The following NEO1 variants were observed in gnomAD, a reference collection of about 807,000 sequenced individuals.
The protein encoded by NEO1 is neogenin.
Under a neutral mutation model 159.7 loss-of-function variants are expected in NEO1, and 63 were observed. The observed-to-expected ratio is 0.39, with a 90% CI of 0.32 to 0.49. NEO1 has a LOEUF of 0.49. Among genes scored for constraint, NEO1 ranks in the 20% least tolerant of loss-of-function variants. The pLI, the probability that NEO1 is intolerant of heterozygous loss-of-function variation, is 0.85. For synonymous variants in NEO1, 633 were observed against 662.0 expected, an observed-to-expected ratio of 0.96 and a Z score of 0.67; for missense variants, 1,615 against 1,831.0, an observed-to-expected ratio of 0.88 and a Z score of 2.15.
chr15:73,054,283 C>T (rs558617678), intron 1 of NEO1, among the ~76,000 whole-genome samples: 4 of 151,932 alleles, frequency 2.6e-5, no homozygotes, highest in Admixed American at 1.3e-4. Flanking sequence ...AAAGTTTTGC[C>T]GATAATTTTG....
intron 1 of NEO1, among the ~76,000 whole-genome samples, chr15:73,110,668 C>T (rs969699132): frequency 2.0e-5 from 3 of 151,976 alleles, no homozygotes; most frequent in Admixed American, 6.6e-5. Flanking sequence ...AGAGCTATTC[C>T]ATTAAGACGT....
chr15:73,288,382 T>G lies in NEO1; in HGVS notation c.3480T>G (p.Pro1160=). 1 of 1,614,118 alleles carries G rather than the reference T, an allele frequency of 6.2e-7. No homozygotes were observed. The highest frequency in any genetic ancestry group is 8.5e-7 in the Non-Finnish European group (1 of 1,180,012). The change falls in exon 24 of 29, where the codon CCT becomes CCG. Residue 1160 remains proline (P), a synonymous_variant. Transcript: ENST00000261908. The part of the protein sequence containing the change: ...KYKGNSKDVK[P]PDLWIHHERL... ...AAGGGAATTCCAAAGATGTGAAACCTCCAGATCTCTGGATCCATCATGAGA... is the reference window on the plus strand; with the variant it reads ...AAGGGAATTCCAAAGATGTGAAACCGCCAGATCTCTGGATCCATCATGAGA...
chr15:73,245,710 G>A (rs533920355), intron 9 of NEO1, among the ~76,000 whole-genome samples: 1 of 151,804 alleles, frequency 6.6e-6, no homozygotes, highest in East Asian at 1.9e-4. Flanking sequence ...GAGTAGCTGG[G>A]ACTACAGGTG....
In NEO1 at chr15:73,062,161, TC is replaced by T. The variant is rs2068010436; in HGVS notation, c.130+9358del. 3.3e-5 allele frequency among the ~76,000 whole-genome samples: 5 copies of T among 152,316 alleles called. No homozygotes were observed. In the South Asian group the frequency reaches 1.0e-3, roughly 32 times the overall value. The stretch of plus-strand genomic sequence containing the variant: ...AAATGAGAGTGTCTGTTTCCACACT[TC>T]CTTGCCAACATATTGGTTATTTTCA... On this transcript the variant is annotated intron_variant, in intron 1 of 28. Transcript: ENST00000261908.
intron 27 of NEO1, among the ~76,000 whole-genome samples, chr15:73,299,604 C>G (rs943407203): frequency 1.3e-5 from 2 of 152,176 alleles, no homozygotes; most frequent in African/African-American, 2.4e-5. Context: ...CCAGGATGGT[C>G]TTGATCTCCT....
chr15:73,293,543 C>G lies in NEO1; in HGVS notation c.3896C>G (p.Ser1299Cys). The G allele has an allele frequency of 6.2e-7, 1 of 1,613,958 alleles. No homozygotes were observed. The highest frequency in any genetic ancestry group is 1.1e-5 in the South Asian group (1 of 91,062). ...TSMSLSDRANSTESVRNTPST... is the reference protein window; with the variant it reads ...TSMSLSDRANCTESVRNTPST... Reference sequence around the variant, plus strand: ...ATGTCCCTTTCAGACAGGGCCAATTCCACAGGTGAGAGATGAGGATCAAGC... The same window carrying G: ...ATGTCCCTTTCAGACAGGGCCAATTGCACAGGTGAGAGATGAGGATCAAGC... The change falls in exon 26 of 29, where the codon TCC becomes TGC. Residue 1299 changes from serine to cysteine, a missense_variant. Transcript: ENST00000261908.
chr15:73,289,388 C>T, intron 25 of NEO1, 150 bp downstream of exon 25: 1 of 691,346 alleles, frequency 1.4e-6, no homozygotes. Flanking sequence ...GTACCAAACA[C>T]TTGCCATATT....
intron 23 of NEO1, among the ~76,000 whole-genome samples, chr15:73,284,830 C>T (rs1044613999): frequency 5.9e-5 from 9 of 151,820 alleles, no homozygotes; most frequent in South Asian, 2.1e-4. Flanking sequence ...TCAAATGATC[C>T]GCCCGCCTCG....
chr15:73,127,108 G>A (rs146542862), intron 4 of NEO1, among the ~76,000 whole-genome samples: 289 of 152,126 alleles, frequency 1.9e-3, no homozygotes, highest in African/African-American at 6.5e-3. Flanking sequence ...GCATGTGCCT[G>A]TAGTCCCAGC....
At chr15:73,216,100 A>T (rs2037866136) in intron 7 of NEO1, among the ~76,000 whole-genome samples, 1 of 117,748 alleles carries the variant, frequency 8.5e-6, no homozygotes. Context: ...ACCCCACAAC[A>T]GTCCCCAGAG....
chr15:73,173,085 G>A (rs1400487032), intron 5 of NEO1, among the ~76,000 whole-genome samples: 1 of 152,160 alleles, frequency 6.6e-6, no homozygotes, highest in Non-Finnish European at 1.5e-5. Context: ...ACACAAGTAA[G>A]CTTAAGTAAC....
intron 28 of NEO1, 110 bp downstream of exon 28, chr15:73,301,567 C>A: frequency 7.0e-7 from 1 of 1,425,040 alleles, no homozygotes; most frequent in Non-Finnish European, 9.6e-7. Flanking sequence ...CCACCCAGAA[C>A]TATGAAGCAG....
At chr15:73,106,871 T>C (rs1013792341) in intron 1 of NEO1, among the ~76,000 whole-genome samples, 1 of 152,230 alleles carries the variant, frequency 6.6e-6, no homozygotes, top group Non-Finnish European at 1.5e-5. Flanking sequence ...ATTATGCCTT[T>C]AGACTTCGTC....
At chr15:73,206,863 G>C (rs886532199) in intron 7 of NEO1, among the ~76,000 whole-genome samples, 2 of 151,416 alleles carry the variant, frequency 1.3e-5, no homozygotes, top group African/African-American at 4.9e-5. Flanking sequence ...GTGTGTGTGT[G>C]TGTTTAGAGA....
intron 1 of NEO1, among the ~76,000 whole-genome samples, chr15:73,115,575 T>C (rs1430420735): frequency 2.7e-5 from 4 of 149,566 alleles, no homozygotes; most frequent in Admixed American, 1.3e-4. Flanking sequence ...TGTGTAGATA[T>C]ATTCGAAAAA....
chr15:73,057,853 T>C (rs2067785082), intron 1 of NEO1, among the ~76,000 whole-genome samples: 1 of 152,204 alleles, frequency 6.6e-6, no homozygotes, highest in African/African-American at 2.4e-5. Context: ...CTTTAAATCA[T>C]TTTATTTTAA....
At chr15:73,134,310 G>T (rs1264296982) in intron 4 of NEO1, among the ~76,000 whole-genome samples, 1 of 152,116 alleles carries the variant, frequency 6.6e-6, no homozygotes. Context: ...CTTGATAAAG[G>T]TTAGTCATGA....
chr15:73,127,013 C>T (rs1417312525), intron 4 of NEO1, among the ~76,000 whole-genome samples: 2 of 152,098 alleles, frequency 1.3e-5, no homozygotes, highest in Non-Finnish European at 2.9e-5. Context: ...GGGCAGATCA[C>T]GAGGTCAGGA....
At chr15:73,292,641 G>A (rs1237678473) in intron 25 of NEO1, among the ~76,000 whole-genome samples, 1 of 152,124 alleles carries the variant, frequency 6.6e-6, no homozygotes, top group Non-Finnish European at 1.5e-5. Flanking sequence ...TTAGCTAAAC[G>A]CAGTTAATTG....
Sources: gnomAD v4.1 joint callset for allele counts (sites outside exome capture counted in the v4.1 genomes callset) on GRCh38, gnomAD v4.1.1 for gene constraint, MANE v1.5 for transcripts, NCBI Gene and HGNC (gene_info 2026-07-23, HGNC 2026-07-21) for gene names.